The following NEK7 variants were observed in gnomAD, a reference collection of about 807,000 sequenced individuals.
The protein encoded by NEK7 is NIMA related kinase 7, also known as serine/threonine-protein kinase Nek7.
A neutral mutation model predicts 44.6 loss-of-function variants in NEK7; 18 were observed. The ratio of observed to expected loss-of-function variants is 0.40; its 90% CI spans 0.28 to 0.60. The LOEUF (loss-of-function observed/expected upper bound fraction) is 0.60. NEK7 is among the 20% of genes least tolerant of loss of function. The pLI, the probability that NEK7 is intolerant of heterozygous loss-of-function variation, is 0.38. For synonymous variants in NEK7, 130 were observed against 121.1 expected (o/e 1.07, Z -0.48); for missense variants, 256 against 366.5 (o/e 0.70, Z 2.46).
Position 198,254,115 on chromosome 1 carries a change from G to A in NEK7, c.198+935G>A, listed in dbSNP as rs372610331. The stretch of plus-strand genomic sequence containing the variant: ...TAAGATGATTAGTATACTTGTGACA[G>A]CCAATATAGAGATGAACAGTTTTAA... On this transcript the variant is annotated intron_variant, in intron 3 of 9. Transcript: ENST00000367385. 1.3e-3 allele frequency among the ~76,000 whole-genome samples: 191 copies of A among 151,664 alleles called. 2 individuals are homozygous for A. Among genetic ancestry groups the A allele is most frequent in the African/African-American group, 4.5e-3 (184 of 41,342 alleles).
chr1:198,224,281 T>A (rs1666149933), intron 1 of NEK7, among the ~76,000 whole-genome samples: 1 of 149,474 alleles, frequency 6.7e-6, no homozygotes, highest in African/African-American at 2.5e-5. Context: ...ACCTTTTCCA[T>A]GTTTAGATAC....
At chr1:198,230,666 T>G (rs544120811) in intron 1 of NEK7, among the ~76,000 whole-genome samples, 3 of 152,158 alleles carry the variant, frequency 2.0e-5, no homozygotes, top group Admixed American at 6.5e-5. Context: ...GGATGTTCTA[T>G]CTATTGTAGT....
At chr1:198,285,432 T>A (rs762210469) in intron 7 of NEK7, among the ~76,000 whole-genome samples, 8 of 152,214 alleles carry the variant, frequency 5.3e-5, no homozygotes, top group African/African-American at 7.2e-5. Flanking sequence ...TCTAATCTTT[T>A]GTCACCCACA....
intron 3 of NEK7, among the ~76,000 whole-genome samples, chr1:198,260,590 T>C (rs1041144286): frequency 3.9e-5 from 6 of 152,106 alleles, no homozygotes; most frequent in African/African-American, 1.2e-4. Context: ...GGCATACATA[T>C]TTCTTCTTCT....
intron 1 of NEK7, among the ~76,000 whole-genome samples, chr1:198,187,993 G>T (rs1433146164): frequency 6.6e-6 from 1 of 152,194 alleles, no homozygotes; most frequent in East Asian, 1.9e-4. Flanking sequence ...GTTTTAATCA[G>T]ACTGCTTTGC....
intron 5 of NEK7, 126 bp downstream of exon 5, chr1:198,264,361 A>C (rs1653580091): frequency 4.8e-6 from 3 of 631,310 alleles, no homozygotes; most frequent in African/African-American, 3.9e-5. Flanking sequence ...TATCTGATAG[A>C]TATGTAACAA....
At chr1:198,210,392 T>G (rs990829687) in intron 1 of NEK7, among the ~76,000 whole-genome samples, 1 of 152,158 alleles carries the variant, frequency 6.6e-6, no homozygotes, top group African/African-American at 2.4e-5. Context: ...TCCTAAAAAT[T>G]TTAATAAATA....
At chr1:198,195,442 A>G (rs952718886) in intron 1 of NEK7, among the ~76,000 whole-genome samples, 1 of 152,200 alleles carries the variant, frequency 6.6e-6, no homozygotes, top group Non-Finnish European at 1.5e-5. Flanking sequence ...TTAACCATAT[A>G]TCCCCCATTG....
At chr1:198,202,218 T>A in intron 1 of NEK7, among the ~76,000 whole-genome samples, 1 of 152,228 alleles carries the variant, frequency 6.6e-6, no homozygotes, top group East Asian at 1.9e-4. Context: ...TCAATCATCA[T>A]ATTAATGTTT....
intron 1 of NEK7, among the ~76,000 whole-genome samples, chr1:198,192,116 A>C (rs1252655953): frequency 1.3e-5 from 2 of 151,934 alleles, no homozygotes; most frequent in Non-Finnish European, 2.9e-5. Flanking sequence ...GTACAAATAC[A>C]CATACATACT....
chr1:198,296,370 GTACT>G (rs770929051), intron 8 of NEK7, among the ~76,000 whole-genome samples: 91 of 152,168 alleles, frequency 6.0e-4, no homozygotes, highest in Non-Finnish European at 1.1e-3. Context: ...GCTTACCACA[GTACT>G]TGCTTGCACT....
intron 1 of NEK7, among the ~76,000 whole-genome samples, chr1:198,223,170 C>T (rs976105972): frequency 1.8e-4 from 27 of 152,022 alleles, no homozygotes; most frequent in African/African-American, 5.1e-4. Context: ...ACAATGAGAG[C>T]GTTATAATTT....
chr1:198,285,260 G>A (rs929240497), intron 7 of NEK7, among the ~76,000 whole-genome samples: 8 of 151,992 alleles, frequency 5.3e-5, no homozygotes, highest in Non-Finnish European at 7.4e-5. Context: ...GGGATTGCTC[G>A]TAATAGATAC....
rs545190201 is a variant in NEK7 at position 198,279,703 on chromosome 1, T to A, written c.589+642T>A. On this transcript the variant is annotated intron_variant, in intron 7 of 9. Transcript: ENST00000367385. ...ATAATTTCATAGAAAGCCTTTTTTT[T>A]AATAAAATTGTTTTGAGATATGAAA... 3.9e-5 allele frequency among the ~76,000 whole-genome samples: 6 copies of A among 152,084 alleles called. No individual in the cohort carries two copies. In the South Asian group the frequency reaches 6.2e-4, roughly 16 times the overall value.
intron 2 of NEK7, among the ~76,000 whole-genome samples, chr1:198,241,237 G>C (rs980005372): frequency 6.6e-6 from 1 of 152,112 alleles, no homozygotes; most frequent in East Asian, 1.9e-4. Context: ...TGAATATTAC[G>C]ATCTTGTCAT....
intron 1 of NEK7, among the ~76,000 whole-genome samples, chr1:198,172,894 T>G (rs1243106409): frequency 1.3e-5 from 2 of 152,216 alleles, no homozygotes; most frequent in Non-Finnish European, 2.9e-5. Flanking sequence ...ACTAAGTTAA[T>G]AATAAGTAAC....
intron 1 of NEK7, among the ~76,000 whole-genome samples, chr1:198,202,342 C>A (rs1294288001): frequency 6.6e-6 from 1 of 152,038 alleles, no homozygotes; most frequent in Non-Finnish European, 1.5e-5. Context: ...TTTAGCAATC[C>A]CCTGTCAATC....
intron 7 of NEK7, among the ~76,000 whole-genome samples, chr1:198,291,247 C>T (rs1280308784): frequency 6.6e-6 from 1 of 152,206 alleles, no homozygotes; most frequent in Admixed American, 6.5e-5. Flanking sequence ...TCTGCACATT[C>T]CTCACTGCCA....
chr1:198,313,177 C>G lies in NEK7; in HGVS notation c.799-6235C>G, dbSNP rs1486489074. 5.9e-5 allele frequency among the ~76,000 whole-genome samples: 9 copies of G among 152,088 alleles called. No individual in the cohort carries two copies. The East Asian group carries it at 1.7e-3, about 29-fold the overall frequency. ...GTTAGCTCTTCTTGTTGAGTTGATCCCTTTACCATTATGTAATGGCCTTCT... is the reference window on the plus strand; with the variant it reads ...GTTAGCTCTTCTTGTTGAGTTGATCGCTTTACCATTATGTAATGGCCTTCT... On this transcript the variant is annotated intron_variant, in intron 9 of 9. Coordinates refer to ENST00000367385, the MANE Select transcript of NEK7 (RefSeq NM_133494.3).
Sources: allele counts gnomAD v4.1 joint callset (sites outside exome capture counted in the v4.1 genomes callset), GRCh38; gene constraint gnomAD v4.1.1; transcripts MANE v1.5; gene names NCBI Gene and HGNC (gene_info 2026-07-23, HGNC 2026-07-21).